Variants in KIF9 observed in about 807,000 individuals in gnomAD.
The protein encoded by KIF9 is kinesin-like protein KIF9.
Under a neutral mutation model 94.8 loss-of-function variants are expected in KIF9, and 68 were observed. That is an observed-to-expected ratio of 0.72 (90% CI 0.59 to 0.88). The LOEUF is 0.88. KIF9 is among the 40% of genes least tolerant of loss of function. The pLI is 0.00. For synonymous variants in KIF9, 343 were observed against 362.1 expected, an observed-to-expected ratio of 0.95 and a Z score of 0.60; for missense variants, 882 against 982.5, an observed-to-expected ratio of 0.90 and a Z score of 1.37.
At chr3:47,234,577 T>C (rs987504108) in intron 20 of KIF9, among the ~76,000 whole-genome samples, 4 of 147,486 alleles carry the variant, frequency 2.7e-5, no homozygotes, top group East Asian at 4.0e-4. Flanking sequence ...TTTTTTGAGA[T>C]AGAGTTTCGC....
chr3:47,267,326 AT>A, intron 5 of KIF9, 63 bp from the exon 6 acceptor site: 3 of 1,156,496 alleles, frequency 2.6e-6, no homozygotes, highest in Non-Finnish European at 3.9e-6. Context: ...CACTTGGGTC[AT>A]TTTTCAATTA....
At chr3:47,239,659 C>T in intron 17 of KIF9, 1 of 1,084,884 alleles carries the variant, frequency 9.2e-7, no homozygotes, top group Non-Finnish European at 1.2e-6. Context: ...GCAATCTTGC[C>T]TCACTACAAC....
intron 10 of KIF9, among the ~76,000 whole-genome samples, chr3:47,252,519 C>G (rs375260364): frequency 5.9e-5 from 9 of 152,102 alleles, no homozygotes; most frequent in African/African-American, 1.9e-4. Flanking sequence ...ATTGCTTGAG[C>G]CCAGGCAGTT....
intron 8 of KIF9, 120 bp downstream of exon 8, chr3:47,265,610 C>T: frequency 9.9e-7 from 1 of 1,006,804 alleles, no homozygotes; most frequent in Non-Finnish European, 1.5e-6. Flanking sequence ...GAATGTGCTG[C>T]AGGTGAATCC....
chr3:47,276,335 C>A (rs1030883667), intron 2 of KIF9, among the ~76,000 whole-genome samples: 1 of 152,140 alleles, frequency 6.6e-6, no homozygotes, highest in Non-Finnish European at 1.5e-5. Context: ...GCAGGTAGAT[C>A]ACCTGAGGTC....
At chr3:47,243,460 C>T (rs1352333610) in intron 15 of KIF9, 4 of 422,510 alleles carry the variant, frequency 9.5e-6, no homozygotes, top group Non-Finnish European at 1.7e-5. Context: ...TTTATCAGAA[C>T]AAAGAGCCCT....
intron 10 of KIF9, among the ~76,000 whole-genome samples, chr3:47,251,877 C>A (rs908512479): frequency 1.3e-5 from 2 of 152,118 alleles, no homozygotes; most frequent in Non-Finnish European, 2.9e-5. Flanking sequence ...CACCGACTGG[C>A]AGAGTGGGAG....
intron 9 of KIF9, 37 bp from the exon 10 acceptor site, chr3:47,257,597 C>T (rs375389368): frequency 9.5e-6 from 15 of 1,577,206 alleles, no homozygotes; most frequent in Non-Finnish European, 1.2e-5. Context: ...GATGGCTCGC[C>T]ACTAAAGTGA....
At chr3:47,276,886 A>G (rs1702007653) in intron 2 of KIF9, among the ~76,000 whole-genome samples, 1 of 152,188 alleles carries the variant, frequency 6.6e-6, no homozygotes, top group African/African-American at 2.4e-5. Flanking sequence ...ACTTCTCTTG[A>G]TAAGTATTTC....
Position 47,245,433 on chromosome 3 carries a change from A to T in KIF9, c.1368T>A (p.Ser456=), listed in dbSNP as rs1249136754. 4.3e-5 allele frequency: 70 copies of T among 1,613,874 alleles called. No individual in the cohort carries two copies. Among genetic ancestry groups the T allele is most frequent in the Non-Finnish European group, 5.8e-5 (69 of 1,179,738 alleles). The change falls in exon 14 of 21, where the codon TCT becomes TCA. Residue 456 remains serine (S), a synonymous_variant. Coordinates refer to ENST00000684063, the MANE Select transcript of KIF9 (RefSeq NM_182902.4). ...LIDRNDFAAI[S]AIQKAGLVDV... ...CAACTATGCTTACCTTCTGGATAGC[A>T]GAAATGGCTGCAAAGTCATTCCTGT...
chr3:47,230,704 C>G (rs1486461685), intron 20 of KIF9, among the ~76,000 whole-genome samples: 1 of 150,734 alleles, frequency 6.6e-6, no homozygotes, highest in South Asian at 2.1e-4. Flanking sequence ...GCACTCCAGC[C>G]TAGGTGACAG....
At chr3:47,243,373 T>C (rs762916215) in intron 15 of KIF9, 128 bp from the exon 16 acceptor site, 60 of 661,806 alleles carry the variant, frequency 9.1e-5, no homozygotes, top group South Asian at 1.6e-4. Context: ...ATCTTGTTCA[T>C]ATGCCTAGGT....
At chr3:47,251,401 AC>A (rs540042414) in intron 10 of KIF9, among the ~76,000 whole-genome samples, 4 of 152,156 alleles carry the variant, frequency 2.6e-5, no homozygotes, top group Non-Finnish European at 5.9e-5. Context: ...CCCCATCTCT[AC>A]TAAAAATAAA....
At chr3:47,255,300 C>T (rs1255465260) in intron 10 of KIF9, among the ~76,000 whole-genome samples, 1 of 152,110 alleles carries the variant, frequency 6.6e-6, no homozygotes, top group Non-Finnish European at 1.5e-5. Flanking sequence ...CAAAAACATT[C>T]TAGTTTTTGC....
intron 8 of KIF9, 125 bp from the exon 9 acceptor site, chr3:47,264,475 C>T: frequency 1.4e-6 from 1 of 704,624 alleles, no homozygotes; most frequent in Non-Finnish European, 2.5e-6. Flanking sequence ...CTCACTATGT[C>T]ACCCAGGCTG....
chr3:47,248,987 C>T (rs1332363560), intron 10 of KIF9, among the ~76,000 whole-genome samples: 3 of 152,142 alleles, frequency 2.0e-5, no homozygotes, highest in Non-Finnish European at 4.4e-5. Context: ...CCTCTCGCCT[C>T]GGCCTCCCAA....
At chr3:47,277,806 C>T (rs1159245563) in intron 1 of KIF9, among the ~76,000 whole-genome samples, 1 of 152,116 alleles carries the variant, frequency 6.6e-6, no homozygotes, top group East Asian at 1.9e-4. Flanking sequence ...ATTAACTTAT[C>T]TTGCTTCAGA....
chr3:47,277,334 T>C lies in KIF9; in HGVS notation c.41A>G (p.Lys14Arg), dbSNP rs775455067. The change falls in exon 2 of 21, where the codon AAA (lysine) becomes AGA (arginine). Residue 14 changes from lysine (K) to arginine (R), a missense_variant. Physicochemically the swap from Lys to Arg is conservative, Grantham distance 26 (BLOSUM62 2). Transcript: ENST00000684063. The stretch of plus-strand genomic sequence containing the variant: ...TTCATGAGCAAAGTCATCGGTGGGT[T>C]TGACACGGACAAATGCATGAACTTT... ...RKKVHAFVRVKPTDDFAHEMI... is the reference protein window; with the variant it reads ...RKKVHAFVRVRPTDDFAHEMI... 2.5e-6 allele frequency: 4 copies of C among 1,614,144 alleles called. No homozygotes were observed. The highest frequency in any genetic ancestry group is 2.5e-6 in the Non-Finnish European group (3 of 1,180,000).
intron 3 of KIF9, among the ~76,000 whole-genome samples, chr3:47,274,239 G>C (rs993370638): frequency 1.3e-5 from 2 of 152,176 alleles, no homozygotes; most frequent in African/African-American, 4.8e-5. Flanking sequence ...GTACCACCAT[G>C]ATCAGGCCCT....
Sources: gnomAD v4.1 joint callset for allele counts (sites outside exome capture counted in the v4.1 genomes callset) on GRCh38, gnomAD v4.1.1 for gene constraint, MANE v1.5 for transcripts, NCBI Gene and HGNC (gene_info 2026-07-23, HGNC 2026-07-21) for gene names.